Variants in SWT1 observed in about 807,000 individuals in gnomAD.
The protein encoded by SWT1 is transcriptional protein SWT1.
SWT1 carries 33 observed loss-of-function variants against 107.3 expected under a neutral mutation model. That is an observed-to-expected ratio of 0.31 (90% confidence interval 0.23 to 0.41). The LOEUF (loss-of-function observed/expected upper bound fraction) is 0.41. Among genes scored for constraint, SWT1 ranks in the 10% least tolerant of loss-of-function variants. SWT1 has a pLI of 1.00. For synonymous variants in SWT1, 345 were observed against 348.3 expected (o/e 0.99, Z 0.11); for missense variants, 898 against 1,028.9 (o/e 0.87, Z 1.74).
chr1:185,169,200 T>G (rs917039513), intron 4 of SWT1, among the ~76,000 whole-genome samples: 1 of 152,180 alleles, frequency 6.6e-6, no homozygotes, highest in Non-Finnish European at 1.5e-5. Context: ...TGAAGTATAT[T>G]CTTGCACTAA....
At chr1:185,192,649 CTTTTTTTT>C (rs869246878) in intron 10 of SWT1, among the ~76,000 whole-genome samples, 24 of 139,578 alleles carry the variant, frequency 1.7e-4, no homozygotes, top group African/African-American at 6.3e-4. Flanking sequence ...TAACGCCTCT[CTTTTTTTT>C]TTTTTTTTGA....
At chr1:185,173,742 T>C (rs1186594126) in intron 4 of SWT1, among the ~76,000 whole-genome samples, 1 of 150,256 alleles carries the variant, frequency 6.7e-6, no homozygotes, top group East Asian at 2.0e-4. Flanking sequence ...TAGGCCGGGG[T>C]ACAGTGGCTC....
chr1:185,180,934 G>A (rs191523235), intron 6 of SWT1, among the ~76,000 whole-genome samples: 3 of 152,188 alleles, frequency 2.0e-5, no homozygotes, highest in Admixed American at 6.5e-5. Context: ...CTTGTCCTAA[G>A]TTAAGATGAG....
chr1:185,227,470 G>A (rs751855081), intron 15 of SWT1: 14 of 589,254 alleles, frequency 2.4e-5, no homozygotes, highest in Middle Eastern at 5.1e-4. Flanking sequence ...TACATATGCT[G>A]TGCAGACTAT....
chr1:185,159,484 A>G (rs1241090342), intron 1 of SWT1, among the ~76,000 whole-genome samples: 1 of 152,200 alleles, frequency 6.6e-6, no homozygotes, highest in African/African-American at 2.4e-5. Flanking sequence ...CAGAGGAACT[A>G]CAGTGAGTGA....
intron 2 of SWT1, among the ~76,000 whole-genome samples, chr1:185,164,171 A>T (rs538267517): frequency 4.6e-5 from 7 of 150,986 alleles, no homozygotes; most frequent in Admixed American, 1.3e-4. Context: ...TTTGAAAGGA[A>T]TCTTTTTTTT....
chr1:185,207,302 A>T (rs1025075720), intron 13 of SWT1, among the ~76,000 whole-genome samples: 2 of 152,200 alleles, frequency 1.3e-5, no homozygotes, highest in Admixed American at 1.3e-4. Flanking sequence ...TTTTTAAACT[A>T]TATTGAACAG....
At chr1:185,259,350 GAATA>G (rs1662861983) in intron 16 of SWT1, among the ~76,000 whole-genome samples, 1 of 152,084 alleles carries the variant, frequency 6.6e-6, no homozygotes, top group Admixed American at 6.5e-5. Context: ...ATAGGTGCAG[GAATA>G]AATAGAGAGG....
At chr1:185,209,233 T>TATTTATTA (rs1440230069) in intron 13 of SWT1, among the ~76,000 whole-genome samples, 1 of 152,084 alleles carries the variant, frequency 6.6e-6, no homozygotes, top group African/African-American at 2.4e-5. Context: ...TTTATTTATT[T>TATTTATTA]ATTTATTATT....
In SWT1 at chr1:185,168,415, T is replaced by A; in HGVS notation, c.224+17T>A. 7.3e-7 allele frequency: 1 copy of A among 1,369,370 alleles called. No homozygotes were observed. The highest frequency in any genetic ancestry group is 9.8e-7 in the Non-Finnish European group (1 of 1,022,814). 84.8% of individuals were successfully genotyped at this position (1,369,370 alleles called of 1,614,324 possible). ...ACTGAAAAGGTAAATTTCTCCTTTT[T>A]CTTTTTACTGTTTTGGTTTAGAATT... On this transcript the variant is annotated intron_variant, in intron 4 of 18. Transcript: ENST00000367500.
chr1:185,221,520 T>C (rs1180921132), intron 14 of SWT1, among the ~76,000 whole-genome samples: 1 of 152,194 alleles, frequency 6.6e-6, no homozygotes, highest in Admixed American at 6.5e-5. Context: ...GGCTTGATTG[T>C]ACCTCTATAC....
intron 18 of SWT1, 148 bp downstream of exon 18, chr1:185,276,816 C>T (rs116096037): frequency 0.016 from 6,108 of 384,296 alleles, 73 homozygotes; most frequent in Non-Finnish European, 0.02. Flanking sequence ...TAAATATTTC[C>T]TATATACAAA....
Position 185,226,919 on chromosome 1 carries a change from T to G in SWT1, c.2310-4658T>G, listed in dbSNP as rs1270147147. 3.4e-6 allele frequency: 4 copies of G among 1,188,646 alleles called. No individual in the cohort carries two copies. In the African/African-American group the frequency reaches 4.7e-5, roughly 14 times the overall value. 73.6% of individuals were successfully genotyped at this position (1,188,646 alleles called of 1,614,324 possible). ...GACAGTTCCACCTCTTCTTTTTAAC[T>G]TCTTTCTGCGGCGTCTTTTCATAGA... On this transcript the variant is annotated intron_variant, in intron 15 of 18. Transcript: ENST00000367500.
chr1:185,248,311 A>G (rs979653024), intron 16 of SWT1, among the ~76,000 whole-genome samples: 1 of 152,236 alleles, frequency 6.6e-6, no homozygotes, highest in Non-Finnish European at 1.5e-5. Context: ...CTTACTTTCA[A>G]TACAATTAAC....
At chr1:185,220,421 A>T (rs1226997878) in intron 14 of SWT1, among the ~76,000 whole-genome samples, 2 of 151,982 alleles carry the variant, frequency 1.3e-5, no homozygotes, top group Admixed American at 6.6e-5. Flanking sequence ...CTTCTTCAGC[A>T]CTTGGTGGTG....
intron 2 of SWT1, among the ~76,000 whole-genome samples, chr1:185,164,042 T>C (rs1254514407): frequency 1.3e-5 from 2 of 152,242 alleles, no homozygotes; most frequent in East Asian, 3.8e-4. Flanking sequence ...TTAGACTCCT[T>C]GATCTATGGA....
intron 7 of SWT1, among the ~76,000 whole-genome samples, chr1:185,183,568 C>G (rs1021187547): frequency 1.3e-5 from 2 of 152,174 alleles, no homozygotes; most frequent in Non-Finnish European, 2.9e-5. Flanking sequence ...CAGGCGTGAG[C>G]CACCAAGCCC....
At chr1:185,259,940 G>T (rs998897280) in intron 16 of SWT1, among the ~76,000 whole-genome samples, 3 of 152,134 alleles carry the variant, frequency 2.0e-5, no homozygotes, top group South Asian at 2.1e-4. Context: ...GGTCACTAAG[G>T]TTCTATCAGC....
intron 7 of SWT1, among the ~76,000 whole-genome samples, chr1:185,183,448 G>A (rs1343777368): frequency 6.6e-6 from 1 of 151,894 alleles, no homozygotes; most frequent in African/African-American, 2.4e-5. Flanking sequence ...GTGCCACCAT[G>A]CCTGGCTAAT....
Sources: allele counts gnomAD v4.1 joint callset (sites outside exome capture counted in the v4.1 genomes callset), GRCh38; gene constraint gnomAD v4.1.1; transcripts MANE v1.5; gene names NCBI Gene and HGNC (gene_info 2026-07-23, HGNC 2026-07-21).